Variants in RGS14 observed in about 807,000 individuals in gnomAD.
RGS14 encodes the protein regulator of G-protein signaling 14.
RGS14 carries 33 observed loss-of-function variants against 63.8 expected under a neutral mutation model. The ratio of observed to expected loss-of-function variants is 0.52; its 90% confidence interval spans 0.39 to 0.69. RGS14 has a LOEUF of 0.69. RGS14 is among the 30% of genes least tolerant of loss of function. RGS14 has a pLI of 0.00. For synonymous variants in RGS14, 296 were observed against 320.9 expected (o/e 0.92, Z 0.83); for missense variants, 739 against 742.9 (o/e 0.99, Z 0.06).
chr5:177,361,715 A>T (rs1761969681), intron 1 of RGS14, among the ~76,000 whole-genome samples: 1 of 152,156 alleles, frequency 6.6e-6, no homozygotes, highest in South Asian at 2.1e-4. Flanking sequence ...ACACAGTCAA[A>T]GCTCAGGAAA....
chr5:177,367,196 A>G, intron 5 of RGS14, 162 bp downstream of exon 5: 1 of 1,125,244 alleles, frequency 8.9e-7, no homozygotes, highest in East Asian at 2.5e-5. Flanking sequence ...AGAGGGCGGT[A>G]TCAGAGGCAC....
chr5:177,370,696 G>A (rs779381690), intron 10 of RGS14, 32 bp downstream of exon 10: 3 of 1,609,132 alleles, frequency 1.9e-6, no homozygotes, highest in Non-Finnish European at 2.6e-6. Flanking sequence ...CTGGGTCCCA[G>A]GTCCTGACGC....
rs901385312 is a variant in RGS14 at position 177,358,785 on chromosome 5, C to T, written c.45+716C>T. 6.6e-6 allele frequency among the ~76,000 whole-genome samples: 1 copy of T among 152,170 alleles called. No homozygotes were observed. Among genetic ancestry groups the T allele is most frequent in the African/African-American group, 2.4e-5 (1 of 41,444 alleles). On this transcript the variant is annotated intron_variant, in intron 1 of 14. Coordinates refer to ENST00000408923, the MANE Select transcript of RGS14 (RefSeq NM_006480.5). The surrounding 1 kb of genome is among the most constrained non-coding windows in gnomAD (Gnocchi z 4.8). Reference sequence around the variant, plus strand: ...GATGGGGCAAGCTGTGCTGGGCCTCCCTTCTCTCCCTAGGGTTCCCCCCTC... The same window carrying T: ...GATGGGGCAAGCTGTGCTGGGCCTCTCTTCTCTCCCTAGGGTTCCCCCCTC...
At chr5:177,368,678 T>C (rs754151341) in intron 8 of RGS14, 39 bp from the exon 9 acceptor site, 2 of 1,597,688 alleles carry the variant, frequency 1.3e-6, no homozygotes, top group Non-Finnish European at 1.7e-6. Flanking sequence ...TGCCCTTGCA[T>C]GTGTACACAT....
Position 177,366,906 on chromosome 5 carries a change from C to G in RGS14, c.355C>G (p.Arg119Gly). Residue 119 changes from arginine to glycine, a missense_variant, in exon 5 of 15, where the codon CGC becomes GGC. Coordinates refer to ENST00000408923, the MANE Select transcript of RGS14 (RefSeq NM_006480.5). ...CCTCCTTCAGCTAGCTCAGGAGGCCCGCAACATCTACCAGGAGTTCCTGTC... is the reference window on the plus strand; with the variant it reads ...CCTCCTTCAGCTAGCTCAGGAGGCCGGCAACATCTACCAGGAGTTCCTGTC... ...SDTQQLAQEARNIYQEFLSSQ... is the reference protein window; with the variant it reads ...SDTQQLAQEAGNIYQEFLSSQ... The G allele has an allele frequency of 7.4e-6, 12 of 1,613,630 alleles. No individual in the cohort carries two copies. Among genetic ancestry groups the G allele is most frequent in the Non-Finnish European group, 1.0e-5 (12 of 1,179,686 alleles).
chr5:177,361,222 G>C (rs1375922489), intron 1 of RGS14, among the ~76,000 whole-genome samples: 1 of 152,220 alleles, frequency 6.6e-6, no homozygotes, highest in Non-Finnish European at 1.5e-5. Flanking sequence ...TCCACAGGCT[G>C]GTTCAAGTTG....
intron 2 of RGS14, 28 bp downstream of exon 2, chr5:177,366,012 G>C: frequency 6.2e-7 from 1 of 1,612,926 alleles, no homozygotes; most frequent in Non-Finnish European, 8.5e-7. Context: ...TGGAGAACTG[G>C]CTGAGTGGGA....
rs774675614 is a variant in RGS14, at chr5:177,366,811, G to T, written c.339+11G>T. The T allele has an allele frequency of 6.2e-7, 1 of 1,614,008 alleles. No homozygotes were observed. Among genetic ancestry groups the T allele is most frequent in the Non-Finnish European group, 8.5e-7 (1 of 1,180,002 alleles). ...AGCGATACCCAGCAGGTGGGGGAAG[G>T]GGGAGCTGGGGCCGAGGGCTGGGGA... On this transcript the variant is annotated intron_variant, in intron 4 of 14. Transcript: ENST00000408923.
chr5:177,362,293 C>A (rs1234350231), intron 1 of RGS14, among the ~76,000 whole-genome samples: 1 of 152,200 alleles, frequency 6.6e-6, no homozygotes, highest in East Asian at 1.9e-4. Context: ...GGATGGAGAG[C>A]TACAGGTGGC....
At chr5:177,366,377 G>T in intron 3 of RGS14, 22 bp downstream of exon 3, 1 of 1,525,270 alleles carries the variant, frequency 6.6e-7, no homozygotes, top group Non-Finnish European at 8.8e-7. Context: ...GTAGGGAAAG[G>T]GAAGGGGGGA....
Position 177,367,404 on chromosome 5 carries a change from C to T in RGS14, c.484-10C>T, listed in dbSNP as rs1461501353. 6.3e-7 allele frequency: 1 copy of T among 1,592,276 alleles called. No homozygotes were observed. The highest frequency in any genetic ancestry group is 8.6e-7 in the Non-Finnish European group (1 of 1,167,762). Reference sequence around the variant, plus strand: ...AGCCCCGGCTCACCTGTTCCGGGGTCGCCCCGCAGATCTTCAACTTGATGA... The same window carrying T: ...AGCCCCGGCTCACCTGTTCCGGGGTTGCCCCGCAGATCTTCAACTTGATGA... On this transcript the variant is annotated splice_polypyrimidine_tract_variant and intron_variant, in intron 5 of 14. Coordinates refer to ENST00000408923, the MANE Select transcript of RGS14 (RefSeq NM_006480.5).
Position 177,367,523 on chromosome 5 carries a change from C to T in RGS14, c.593C>T (p.Ser198Phe), listed in dbSNP as rs1762129687. 4 of 1,611,778 alleles carry T rather than the reference C, an allele frequency of 2.5e-6. No homozygotes were observed. In the East Asian group the frequency reaches 6.7e-5, roughly 27 times the overall value. Residue 198 changes from serine to phenylalanine, a missense_variant, in exon 6 of 15, where the codon TCC (serine) becomes TTC (phenylalanine). Physicochemically the swap from Ser to Phe is radical, Grantham distance 155 (BLOSUM62 -2). Transcript: ENST00000408923. ...GGACGCCCTCTGCGGGAACCTGGCT[C>T]CTCGCGCCTCGGCAGCCCTGACGCC... ...AEGRPLREPG[S>F]SRLGSPDATR...
Position 177,358,119 on chromosome 5 carries a change from A to C in RGS14, c.45+50A>C. The C allele has an allele frequency of 7.8e-7, 1 of 1,285,492 alleles. No individual in the cohort carries two copies. The highest frequency in any genetic ancestry group is 2.3e-5 in the South Asian group (1 of 42,802). 79.6% of individuals were successfully genotyped at this position (1,285,492 alleles called of 1,614,324 possible). ...CCACGAGGAGGGGGTGGGCACACCC[A>C]GGGTGGAGCCCAGGAGGCACACCCG... On this transcript the variant is annotated intron_variant, in intron 1 of 14. Transcript: ENST00000408923. This position sits in a 1 kb window ranked among gnomAD's most constrained non-coding sequence, Gnocchi z 4.8.
At position 177,372,019 on chromosome 5, in the gene RGS14, TCAG is replaced by T; in HGVS notation, c.1650_1652del (p.Ala551del). On this transcript the variant is annotated inframe_deletion, in exon 15 of 15. Coordinates refer to ENST00000408923, the MANE Select transcript of RGS14 (RefSeq NM_006480.5). Reference sequence around the variant, plus strand: ...CGAGGAGACCCCACCACAGACCAAATCAGCAGCCCAGCCCATCGGGGGATCCTT... The same window carrying T: ...CGAGGAGACCCCACCACAGACCAAATCAGCCCAGCCCATCGGGGGATCCTT... The T allele has an allele frequency of 1.9e-6, 3 of 1,613,992 alleles. No individual in the cohort carries two copies. Among genetic ancestry groups the T allele is most frequent in the Non-Finnish European group, 2.5e-6 (3 of 1,179,984 alleles).
At chr5:177,368,109 T>G in intron 7 of RGS14, 48 bp from the exon 8 acceptor site, 1 of 1,591,688 alleles carries the variant, frequency 6.3e-7, no homozygotes, top group Non-Finnish European at 8.6e-7. Context: ...CCGCAGAGGA[T>G]GGGTGAGGGC....
At chr5:177,370,432 C>T (rs1337286029) in intron 9 of RGS14, 159 bp from the exon 10 acceptor site, 2 of 646,674 alleles carry the variant, frequency 3.1e-6, no homozygotes, top group Non-Finnish European at 5.6e-6. Flanking sequence ...CAGCTTGGTA[C>T]CTTAACCCAT....
chr5:177,361,515 G>C (rs1256757531), intron 1 of RGS14, among the ~76,000 whole-genome samples: 1 of 152,188 alleles, frequency 6.6e-6, no homozygotes, highest in Non-Finnish European at 1.5e-5. Flanking sequence ...TGGGTAGAGG[G>C]TGGGGAGGCC....
intron 1 of RGS14, among the ~76,000 whole-genome samples, chr5:177,361,308 C>T (rs1239535023): frequency 1.3e-5 from 2 of 152,180 alleles, no homozygotes; most frequent in Non-Finnish European, 2.9e-5. Context: ...GGATGAAATC[C>T]TCAAGAGGAT....
At chr5:177,365,148 T>C (rs1315889524) in intron 1 of RGS14, among the ~76,000 whole-genome samples, 1 of 152,208 alleles carries the variant, frequency 6.6e-6, no homozygotes, top group Non-Finnish European at 1.5e-5. Context: ...ATACAGCCCA[T>C]ATCACATGCT....
Sources: allele counts gnomAD v4.1 joint callset (sites outside exome capture counted in the v4.1 genomes callset), GRCh38; gene constraint gnomAD v4.1.1; non-coding constraint Gnocchi (gnomAD v3.1); transcripts MANE v1.5; gene names NCBI Gene and HGNC (gene_info 2026-07-23, HGNC 2026-07-21).